Variants in GRIP1 observed in about 807,000 individuals in gnomAD.
GRIP1 encodes the protein glutamate receptor-interacting protein 1.
A neutral mutation model predicts 129.9 loss-of-function variants in GRIP1; 45 were observed. That is an observed-to-expected ratio of 0.35 (90% CI 0.27 to 0.44). The LOEUF is 0.44. Among genes scored for constraint, GRIP1 ranks in the 20% least tolerant of loss-of-function variants. The pLI is 1.00. For missense variants in GRIP1, 1,196 were observed against 1,396.8 expected (o/e 0.86, Z 2.29); for synonymous variants, 530 against 520.8 (o/e 1.02, Z -0.24).
chr12:66,994,277 G>A (rs556164229), intron 1 of GRIP1, among the ~76,000 whole-genome samples: 14 of 151,254 alleles, frequency 9.3e-5, no homozygotes, highest in Non-Finnish European at 1.5e-4. Flanking sequence ...CTAAGACCAC[G>A]TAAAAATTAT....
intron 1 of GRIP1, among the ~76,000 whole-genome samples, chr12:66,966,444 T>C (rs2041999928): frequency 6.6e-6 from 1 of 152,120 alleles, no homozygotes; most frequent in East Asian, 1.9e-4. Flanking sequence ...TAAGTGCACA[T>C]TTGCTACAAC....
chr12:67,043,733 T>C (rs1038077054), intron 1 of GRIP1, among the ~76,000 whole-genome samples: 16 of 152,156 alleles, frequency 1.1e-4, no homozygotes, highest in African/African-American at 3.9e-4. Flanking sequence ...AACCCCATAA[T>C]CCACAAAAAA....
intron 1 of GRIP1, among the ~76,000 whole-genome samples, chr12:66,692,954 A>G (rs929682915): frequency 1.3e-5 from 2 of 152,178 alleles, no homozygotes; most frequent in Admixed American, 1.3e-4. Context: ...AACATATAAC[A>G]AATGCTGGAA....
At chr12:66,591,581 A>G (rs1032090574) in intron 2 of GRIP1, among the ~76,000 whole-genome samples, 1 of 152,034 alleles carries the variant, frequency 6.6e-6, no homozygotes, top group Non-Finnish European at 1.5e-5. Context: ...GCTTGATTCA[A>G]CTGACTTTGG....
chr12:66,372,275 A>T (rs1162238138), intron 22 of GRIP1: 2 of 366,666 alleles, frequency 5.5e-6, no homozygotes, highest in Non-Finnish European at 1.0e-5. Flanking sequence ...GCTCTAACAG[A>T]TGGGATTCAT....
chr12:66,433,045 AAC>A (rs1231338441), intron 13 of GRIP1, among the ~76,000 whole-genome samples: 11 of 151,974 alleles, frequency 7.2e-5, no homozygotes, highest in Non-Finnish European at 1.3e-4. Flanking sequence ...TTCCACCCCC[AAC>A]CATATTTTCC....
rs184429858 is a variant in GRIP1 at position 66,390,479 on chromosome 12, T to C, written c.2464+1829A>G. On this transcript the variant is annotated intron_variant, in intron 19 of 24. Transcript: ENST00000359742. ...AATGCAAAATGTAATATTATGACTATGATTCAAAATTTCAAAATGCTTCAC... is the reference window on the plus strand; with the variant it reads ...AATGCAAAATGTAATATTATGACTACGATTCAAAATTTCAAAATGCTTCAC... Among the ~76,000 whole-genome samples the C allele has an allele frequency of 1.6e-3, 251 of 152,378 alleles. 2 individuals carry two copies. The highest frequency in any genetic ancestry group is 5.4e-3 in the African/African-American group (226 of 41,586).
At chr12:66,997,369 A>C (rs1405093403) in intron 1 of GRIP1, among the ~76,000 whole-genome samples, 8 of 152,168 alleles carry the variant, frequency 5.3e-5, no homozygotes, top group African/African-American at 1.9e-4. Context: ...GCTTGAGCCC[A>C]GGAGTTCAAG....
chr12:66,898,578 T>C (rs1419263582), intron 1 of GRIP1, among the ~76,000 whole-genome samples: 1 of 152,164 alleles, frequency 6.6e-6, no homozygotes, highest in Non-Finnish European at 1.5e-5. Flanking sequence ...AATTCATATA[T>C]ATACACTCCT....
At chr12:67,026,733 C>G (rs1025805155) in intron 1 of GRIP1, among the ~76,000 whole-genome samples, 2 of 152,108 alleles carry the variant, frequency 1.3e-5, no homozygotes, top group African/African-American at 4.8e-5. Flanking sequence ...ATCTCATGGT[C>G]AATCTATTAC....
At chr12:66,785,323 CATACATACATACATACATACAT>C (rs201095496) in intron 1 of GRIP1, among the ~76,000 whole-genome samples, 7,141 of 55,966 alleles carry the variant, frequency 0.13, 481 homozygotes, top group East Asian at 0.32. Context: ...TACATACATA[CATACATACATACATACATACAT>C]ATATATATAT....
chr12:66,587,842 A>T (rs1288434463), intron 2 of GRIP1, among the ~76,000 whole-genome samples: 1 of 152,182 alleles, frequency 6.6e-6, no homozygotes, highest in Non-Finnish European at 1.5e-5. Context: ...TCAAACTGCT[A>T]AAGAGAGCAA....
chr12:66,490,203 G>A (rs962722412), intron 7 of GRIP1, among the ~76,000 whole-genome samples: 1 of 152,100 alleles, frequency 6.6e-6, no homozygotes, highest in Non-Finnish European at 1.5e-5. Context: ...AAAGCTGGAG[G>A]CATCATACCA....
intron 1 of GRIP1, among the ~76,000 whole-genome samples, chr12:66,766,649 C>T (rs143358869): frequency 0.01 from 1,573 of 152,068 alleles, 78 homozygotes; most frequent in Admixed American, 0.083. Context: ...GGGTGGCCTT[C>T]CATGTAGGGA....
chr12:66,757,704 T>G (rs916948894), intron 1 of GRIP1, among the ~76,000 whole-genome samples: 2 of 152,222 alleles, frequency 1.3e-5, no homozygotes, highest in African/African-American at 4.8e-5. Context: ...CTAATTCATA[T>G]TCCCACAACA....
chr12:66,690,726 C>A (rs779380002), intron 1 of GRIP1, among the ~76,000 whole-genome samples: 3,282 of 146,858 alleles, frequency 0.022, 104 homozygotes, highest in African/African-American at 0.067. Flanking sequence ...AAAATTTTTT[C>A]AAAAAATTTT....
At chr12:66,382,058 G>GA (rs998866104) in intron 19 of GRIP1, among the ~76,000 whole-genome samples, 10 of 151,758 alleles carry the variant, frequency 6.6e-5, no homozygotes, top group Admixed American at 1.3e-4. Flanking sequence ...TCTCTACAAA[G>GA]AAAAAAAAGA....
intron 1 of GRIP1, among the ~76,000 whole-genome samples, chr12:66,599,689 G>A (rs1381973996): frequency 2.0e-5 from 3 of 152,168 alleles, no homozygotes; most frequent in Admixed American, 6.5e-5. Flanking sequence ...ACCCTTGAGC[G>A]TAAAGTCATG....
chr12:66,410,598 G>T (rs2137714080), intron 15 of GRIP1, among the ~76,000 whole-genome samples: 1 of 152,076 alleles, frequency 6.6e-6, no homozygotes, highest in South Asian at 2.1e-4. Context: ...GGCCGAGATT[G>T]CACCACATCA....
Sources: allele counts gnomAD v4.1 joint callset (sites outside exome capture counted in the v4.1 genomes callset), GRCh38; gene constraint gnomAD v4.1.1; transcripts MANE v1.5; gene names NCBI Gene and HGNC (gene_info 2026-07-23, HGNC 2026-07-21).